The following SYT1 variants were observed in gnomAD, a reference collection of about 807,000 sequenced individuals.
SYT1 encodes the protein synaptotagmin-1.
In SYT1, 8 loss-of-function variants were observed where a neutral mutation model predicts 44.8. That is an observed-to-expected ratio of 0.18 (90% CI 0.10 to 0.32). SYT1 has a LOEUF of 0.32. Among genes scored for constraint, SYT1 ranks in the 10% least tolerant of loss-of-function variants. The pLI is 1.00. For missense variants in SYT1, 286 were observed against 509.3 expected (o/e 0.56, Z 4.22); for synonymous variants, 154 against 188.8 (o/e 0.82, Z 1.51).
intron 3 of SYT1, among the ~76,000 whole-genome samples, chr12:79,215,336 A>G (rs1395683027): frequency 1.3e-5 from 2 of 152,174 alleles, no homozygotes; most frequent in Admixed American, 6.5e-5. Flanking sequence ...GGAGCAATGG[A>G]ACAAATTAAT....
At chr12:78,927,474 G>A (rs185645451) in intron 1 of SYT1, among the ~76,000 whole-genome samples, 41 of 152,160 alleles carry the variant, frequency 2.7e-4, no homozygotes, top group African/African-American at 9.6e-4. Flanking sequence ...TCTTCCGTGC[G>A]TTATGAGATA....
rs147531985 is a variant in SYT1 at position 79,146,155 on chromosome 12, A to C, written c.-17-71348A>C. Reference sequence around the variant, plus strand: ...CCACTTCAGACTTCAAGGAGTTTTTAATCATGAGAATGTACAGCCTGTGTC... The same window carrying C: ...CCACTTCAGACTTCAAGGAGTTTTTCATCATGAGAATGTACAGCCTGTGTC... On this transcript the variant is annotated intron_variant, in intron 3 of 10. Coordinates refer to ENST00000261205, the MANE Select transcript of SYT1 (RefSeq NM_005639.3). Among the ~76,000 whole-genome samples, 1,110 of 152,312 alleles carry C rather than the reference A, an allele frequency of 7.3e-3. 17 individuals are homozygous for C. Among genetic ancestry groups the C allele is most frequent in the African/African-American group, 0.025 (1,056 of 41,564 alleles).
At chr12:79,245,444 A>G (rs1320980378) in intron 4 of SYT1, among the ~76,000 whole-genome samples, 2 of 146,678 alleles carry the variant, frequency 1.4e-5, no homozygotes, top group African/African-American at 2.5e-5. Context: ...ACTGCACTCC[A>G]GCCTGGGCAC....
intron 3 of SYT1, among the ~76,000 whole-genome samples, chr12:79,187,897 TTC>T (rs1293878224): frequency 6.6e-6 from 1 of 152,158 alleles, no homozygotes; most frequent in Non-Finnish European, 1.5e-5. Flanking sequence ...AATCTTTACA[TTC>T]TGTTTCCTTC....
chr12:79,048,094 C>T (rs1011032708), intron 3 of SYT1, among the ~76,000 whole-genome samples: 21 of 151,814 alleles, frequency 1.4e-4, no homozygotes, highest in Non-Finnish European at 1.6e-4. Context: ...TGATGACCCA[C>T]GTTGTATCAC....
intron 8 of SYT1, among the ~76,000 whole-genome samples, chr12:79,301,689 C>T (rs1386039339): frequency 1.3e-5 from 2 of 152,078 alleles, no homozygotes; most frequent in Admixed American, 1.3e-4. Flanking sequence ...TTTGTTGTGT[C>T]TCTTCCCTCT....
intron 3 of SYT1, among the ~76,000 whole-genome samples, chr12:79,070,411 T>A (rs1310953833): frequency 6.6e-6 from 1 of 152,136 alleles, no homozygotes; most frequent in Non-Finnish European, 1.5e-5. Context: ...CATTTTTTTT[T>A]AGTCTAATTG....
At chr12:79,331,937 T>G (rs1881876089) in intron 8 of SYT1, among the ~76,000 whole-genome samples, 1 of 152,170 alleles carries the variant, frequency 6.6e-6, no homozygotes, top group African/African-American at 2.4e-5. Flanking sequence ...TTAATTTTTC[T>G]TCATCAAAAT....
intron 3 of SYT1, among the ~76,000 whole-genome samples, chr12:79,161,898 C>T (rs1030587891): frequency 7.2e-5 from 11 of 152,012 alleles, no homozygotes; most frequent in African/African-American, 2.2e-4. Context: ...TATGAGAGAC[C>T]CTAGCTGGGT....
At chr12:79,254,877 A>G (rs1014355277) in intron 4 of SYT1, among the ~76,000 whole-genome samples, 21 of 152,242 alleles carry the variant, frequency 1.4e-4, no homozygotes, top group African/African-American at 5.1e-4. Context: ...GAATTGCTGC[A>G]ATCTCATGAT....
intron 3 of SYT1, among the ~76,000 whole-genome samples, chr12:79,141,724 AT>A (rs372633756): frequency 4.2e-4 from 64 of 152,348 alleles, no homozygotes; most frequent in African/African-American, 1.5e-3. Context: ...ATATTCAGAC[AT>A]ATTCCACTTG....
chr12:79,328,479 A>G (rs1180523697), intron 8 of SYT1, among the ~76,000 whole-genome samples: 3 of 152,226 alleles, frequency 2.0e-5, no homozygotes, highest in African/African-American at 7.2e-5. Flanking sequence ...CCTAAATAGT[A>G]CCATACCCAC....
At chr12:79,014,595 C>T (rs572544359) in intron 2 of SYT1, among the ~76,000 whole-genome samples, 1 of 152,194 alleles carries the variant, frequency 6.6e-6, no homozygotes, top group African/African-American at 2.4e-5. Flanking sequence ...GAAATAGGAA[C>T]ACTTTTACAC....
intron 9 of SYT1, among the ~76,000 whole-genome samples, chr12:79,366,946 G>GTGTGTT (rs1555221268): frequency 1.5e-5 from 2 of 131,158 alleles, no homozygotes; most frequent in African/African-American, 2.9e-5. Context: ...GTGTGTGTGT[G>GTGTGTT]TTCAAAGAAT....
At chr12:79,346,400 G>A (rs543432374) in intron 8 of SYT1, among the ~76,000 whole-genome samples, 2 of 152,160 alleles carry the variant, frequency 1.3e-5, no homozygotes, top group Non-Finnish European at 2.9e-5. Flanking sequence ...AAAAGAGCAG[G>A]TAAATTTCTC....
At chr12:79,090,782 G>T (rs940976113) in intron 3 of SYT1, among the ~76,000 whole-genome samples, 1 of 151,986 alleles carries the variant, frequency 6.6e-6, no homozygotes. Context: ...GTGGTGACAG[G>T]TTATGGAAGG....
chr12:79,141,928 C>G (rs17005293), intron 3 of SYT1, among the ~76,000 whole-genome samples: 14,286 of 152,232 alleles, frequency 0.094, 866 homozygotes, highest in African/African-American at 0.17. Context: ...GGGTGCTGCC[C>G]AAGTGCATCA....
At chr12:78,871,862 G>C (rs562649766) in intron 1 of SYT1, among the ~76,000 whole-genome samples, 1 of 151,668 alleles carries the variant, frequency 6.6e-6, no homozygotes, top group South Asian at 2.1e-4. Context: ...CTAGAGCACC[G>C]AGACCTCTTC....
At chr12:78,917,117 AAAAG>A (rs1353513478) in intron 1 of SYT1, among the ~76,000 whole-genome samples, 3 of 152,122 alleles carry the variant, frequency 2.0e-5, no homozygotes, top group South Asian at 2.1e-4. Context: ...TGTAGGAAAT[AAAAG>A]AAAGAAAGTT....
Sources: allele counts gnomAD v4.1 joint callset (sites outside exome capture counted in the v4.1 genomes callset), GRCh38; gene constraint gnomAD v4.1.1; transcripts MANE v1.5; gene names NCBI Gene and HGNC (gene_info 2026-07-23, HGNC 2026-07-21).